The following MGAT4C variants were observed in gnomAD, a reference collection of about 807,000 sequenced individuals.
The protein encoded by MGAT4C is MGAT4 family member C.
Under a neutral mutation model 40.1 loss-of-function variants are expected in MGAT4C, and 19 were observed. The ratio of observed to expected loss-of-function variants is 0.47; its 90% CI spans 0.33 to 0.70. The LOEUF (loss-of-function observed/expected upper bound fraction) is 0.70. Among genes scored for constraint, MGAT4C ranks in the 30% least tolerant of loss-of-function variants. The probability of loss-of-function intolerance (pLI) is 0.02; values close to 1 mark genes in which losing one functional copy is unlikely to be tolerated. For synonymous variants in MGAT4C, 181 were observed against 187.1 expected (o/e 0.97, Z 0.27); for missense variants, 491 against 563.2 (o/e 0.87, Z 1.30).
At chr12:86,079,292 C>T (rs1870382484) in intron 1 of MGAT4C, among the ~76,000 whole-genome samples, 1 of 152,128 alleles carries the variant, frequency 6.6e-6, no homozygotes, top group Non-Finnish European at 1.5e-5. Flanking sequence ...GCACAGAAAA[C>T]AACCTTAGTA....
At chr12:86,246,838 T>G (rs1331535737) in intron 1 of MGAT4C, among the ~76,000 whole-genome samples, 3 of 152,216 alleles carry the variant, frequency 2.0e-5, no homozygotes, top group Non-Finnish European at 2.9e-5. Context: ...CTATCTAATA[T>G]CTCAAACTAC....
At chr12:86,422,652 T>C (rs1445181404) in intron 3 of MGAT4C, among the ~76,000 whole-genome samples, 1 of 152,224 alleles carries the variant, frequency 6.6e-6, no homozygotes, top group Admixed American at 6.5e-5. Context: ...AAAATTTCTA[T>C]TTCCTTTTTA....
intron 1 of MGAT4C, among the ~76,000 whole-genome samples, chr12:86,184,793 C>T: frequency 6.7e-6 from 1 of 149,482 alleles, no homozygotes; most frequent in Non-Finnish European, 1.5e-5. Flanking sequence ...TTGGACCAGC[C>T]TCCTGCACTA....
chr12:86,053,923 T>TA (rs1219821717), intron 1 of MGAT4C, among the ~76,000 whole-genome samples: 2 of 151,562 alleles, frequency 1.3e-5, no homozygotes, highest in African/African-American at 4.8e-5. Context: ...ATGGCCACCA[T>TA]AAAAAAAGAT....
rs570452660 is a variant in MGAT4C, at chr12:86,552,556, G to A, written c.-228-117291C>T. On this transcript the variant is annotated intron_variant, in intron 2 of 7. Coordinates refer to the MGAT4C transcript ENST00000548651. ...TTCTGAACACAAAGAAATAATAAATGTTTGAGATGAATAGTTATTCTAATT... is the reference window on the plus strand; with the variant it reads ...TTCTGAACACAAAGAAATAATAAATATTTGAGATGAATAGTTATTCTAATT... Among the ~76,000 whole-genome samples the A allele has an allele frequency of 1.2e-4, 18 of 152,136 alleles. No individual in the cohort carries two copies. The South Asian group carries it at 3.5e-3, about 30-fold the overall frequency.
chr12:86,654,452 C>T (rs1593083547), intron 2 of MGAT4C, among the ~76,000 whole-genome samples: 1 of 151,568 alleles, frequency 6.6e-6, no homozygotes. Flanking sequence ...TCAGCAACCA[C>T]GTCTTCTTTC....
intron 1 of MGAT4C, among the ~76,000 whole-genome samples, chr12:86,065,957 C>A (rs1401521433): frequency 6.6e-6 from 1 of 152,160 alleles, no homozygotes; most frequent in Non-Finnish European, 1.5e-5. Flanking sequence ...CTCCCATTCA[C>A]AATTGCTACA....
intron 4 of MGAT4C, among the ~76,000 whole-genome samples, chr12:86,321,053 T>C (rs1405276416): frequency 2.0e-5 from 3 of 152,092 alleles, no homozygotes; most frequent in South Asian, 2.1e-4. Context: ...AATCTTTTAA[T>C]AGAAAAAAAC....
chr12:86,672,763 T>G (rs1261825629), intron 2 of MGAT4C, among the ~76,000 whole-genome samples: 3 of 151,930 alleles, frequency 2.0e-5, no homozygotes, highest in African/African-American at 7.3e-5. Flanking sequence ...AATAGGGAGG[T>G]TGGCAGGCAG....
At chr12:86,596,234 A>AC (rs1961534165) in intron 2 of MGAT4C, among the ~76,000 whole-genome samples, 2 of 152,310 alleles carry the variant, frequency 1.3e-5, no homozygotes, top group South Asian at 4.1e-4. Context: ...TAAAACAAGT[A>AC]CCAACTCTTG....
Position 85,975,278 on chromosome 12 carries a change from T to G in MGAT4C, c.*4011A>C, listed in dbSNP as rs1160546722. The G allele has an allele frequency of 1.3e-5, 2 of 151,018 alleles. No individual in the cohort carries two copies. Among genetic ancestry groups the G allele is most frequent in the Non-Finnish European group, 3.0e-5 (2 of 67,148 alleles). 9.4% of individuals were successfully genotyped at this position (151,018 alleles called of 1,614,324 possible). On this transcript the variant is annotated 3_prime_UTR_variant, in exon 5 of 5. Coordinates refer to ENST00000611864, the MANE Select transcript of MGAT4C (RefSeq NM_001351288.2). ...GGGCAGTAAATTTTATAATTGTTAT[T>G]GATTACAATGAAGGCCTCTGGTAAT...
At position 86,603,435 on chromosome 12, in the gene MGAT4C, A is replaced by G. The variant is rs1278619011; in HGVS notation, c.-229+123774T>C. Among the ~76,000 whole-genome samples, 5 of 120,736 alleles carry G rather than the reference A, an allele frequency of 4.1e-5. No homozygotes were observed. The East Asian group carries it at 1.1e-3, about 27-fold the overall frequency. The allele number at this position is 120,736 out of a possible 152,430, so 79.2% of individuals were successfully genotyped here. A position where few individuals can be genotyped will look rare whatever the true frequency, so the allele number is the denominator to read the frequency against. On this transcript the variant is annotated intron_variant, in intron 2 of 7. Coordinates refer to the MGAT4C transcript ENST00000548651. ...AGTATATATAGTATATAGTATATAT[A>G]CTATATATAGTCTATAGACTATATA...
chr12:86,089,143 T>C (rs182612519), intron 1 of MGAT4C, among the ~76,000 whole-genome samples: 5 of 152,052 alleles, frequency 3.3e-5, no homozygotes, highest in Middle Eastern at 3.4e-3. Context: ...ATATTTTAAG[T>C]TCAATGCAAA....
At chr12:86,303,363 TA>T (rs1308075553) in intron 4 of MGAT4C, among the ~76,000 whole-genome samples, 2 of 150,618 alleles carry the variant, frequency 1.3e-5, no homozygotes, top group African/African-American at 5.0e-5. Flanking sequence ...GATATATTTA[TA>T]AGCTATTAAA....
At chr12:86,364,743 C>CT (rs1955555889) in intron 3 of MGAT4C, among the ~76,000 whole-genome samples, 2 of 85,696 alleles carry the variant, frequency 2.3e-5, no homozygotes, top group East Asian at 3.4e-4. Context: ...TTCTGTGATG[C>CT]CCCCTGAGCC....
intron 1 of MGAT4C, among the ~76,000 whole-genome samples, chr12:86,783,291 TTTGA>T (rs1447587958): frequency 6.6e-6 from 1 of 152,138 alleles, no homozygotes; most frequent in Non-Finnish European, 1.5e-5. Context: ...TTAAAGAAAG[TTTGA>T]TTGACAAAGG....
At chr12:86,245,286 C>T (rs1235896306) in intron 1 of MGAT4C, among the ~76,000 whole-genome samples, 1 of 152,094 alleles carries the variant, frequency 6.6e-6, no homozygotes, top group Non-Finnish European at 1.5e-5. Flanking sequence ...AGGTCTCCTC[C>T]AGTTACTGGG....
chr12:86,117,357 A>G (rs553337814), intron 1 of MGAT4C, among the ~76,000 whole-genome samples: 37 of 152,314 alleles, frequency 2.4e-4, no homozygotes, highest in Non-Finnish European at 4.7e-4. Flanking sequence ...AAGACAGGAC[A>G]AGTGAAAATG....
At chr12:86,541,272 A>T (rs1001746324) in intron 2 of MGAT4C, among the ~76,000 whole-genome samples, 3 of 152,208 alleles carry the variant, frequency 2.0e-5, no homozygotes, top group South Asian at 2.1e-4. Context: ...TAGTGAAAAT[A>T]TGTTTTAGAT....
Sources: allele counts gnomAD v4.1 joint callset (sites outside exome capture counted in the v4.1 genomes callset), GRCh38; gene constraint gnomAD v4.1.1; transcripts MANE v1.5; gene names NCBI Gene and HGNC (gene_info 2026-07-23, HGNC 2026-07-21).